Variants in EPHB6 observed in about 807,000 individuals in gnomAD.
EPHB6 encodes the protein ephrin type-B receptor 6.
EPHB6 carries 51 observed loss-of-function variants against 107.0 expected under a neutral mutation model. The observed-to-expected ratio is 0.48, with a 90% confidence interval of 0.38 to 0.60. EPHB6 has a LOEUF of 0.60. Ranked by LOEUF, EPHB6 falls within the 20% of genes least tolerant of loss-of-function variation. The pLI, the probability that EPHB6 is intolerant of heterozygous loss-of-function variation, is 0.00. For synonymous variants in EPHB6, 553 were observed against 549.0 expected, an observed-to-expected ratio of 1.01 and a Z score of -0.10; for missense variants, 1,141 against 1,355.5, an observed-to-expected ratio of 0.84 and a Z score of 2.48.
chr7:142,864,622 A>AG lies in EPHB6; in HGVS notation c.827dup (p.Gln277ProfsTer48), dbSNP rs2116426904. On this transcript the variant is annotated frameshift_variant, in exon 7 of 20. Transcript: ENST00000652003. LOFTEE classifies it high-confidence loss of function. ...ATGCAGAGCCAGAGGAGGATGGAGT[A>AG]GGGGGCCAGGCAGGAGGCAGCCCCC... 6.2e-7 allele frequency: 1 copy of AG among 1,612,406 alleles called. No individual in the cohort carries two copies. The highest frequency in any genetic ancestry group is 8.5e-7 in the Non-Finnish European group (1 of 1,179,540).
chr7:142,865,895 C>T (rs1226228626), intron 8 of EPHB6, 65 bp from the exon 9 acceptor site: 2 of 1,546,108 alleles, frequency 1.3e-6, no homozygotes, highest in Non-Finnish European at 1.8e-6. Context: ...TGGCTCCTTC[C>T]TTCCTCAATC....
chr7:142,865,189 A>C (rs1481371063), intron 7 of EPHB6, among the ~76,000 whole-genome samples: 2 of 152,200 alleles, frequency 1.3e-5, no homozygotes, highest in Non-Finnish European at 2.9e-5. Context: ...GCCTCCGCAG[A>C]GGGAGCTTAT....
rs763216563 is a variant in EPHB6 at position 142,866,052 on chromosome 7, G to C, written c.1198G>C (p.Gly400Arg). 6.2e-7 allele frequency: 1 copy of C among 1,612,220 alleles called. No individual in the cohort carries two copies. The highest frequency in any genetic ancestry group is 8.5e-7 in the Non-Finnish European group (1 of 1,179,126). ...CCTGCCTCGGGAGCTGGGGGGTCGA[G>C]GGGACCTGCTCTTCAATGTCGTGTG... ...WRLPRELGGR[G>R]DLLFNVVCKE... The change falls in exon 9 of 20, where the codon GGG (glycine) becomes CGG (arginine). Residue 400 changes from glycine (G) to arginine (R), a missense_variant. By Grantham distance (125) the Gly-to-Arg change is moderately radical. Transcript: ENST00000652003. This position sits in a 1 kb window ranked among gnomAD's most constrained non-coding sequence, Gnocchi z 5.2.
Position 142,864,562 on chromosome 7 carries a change from C to T in EPHB6, c.762C>T (p.Ala254=). The T allele has an allele frequency of 3.7e-6, 6 of 1,613,192 alleles. No homozygotes were observed. The highest frequency in any genetic ancestry group is 5.1e-6 in the Non-Finnish European group (6 of 1,179,906). Residue 254 remains alanine, a synonymous_variant, in exon 7 of 20, where the codon GCC becomes GCT. Transcript: ENST00000652003. The part of the protein sequence containing the change: ...PETQASGAGG[A]SLVAAVGTCV... ...CGCAGGCCAGTGGGGCTGGGGGGGC[C>T]TCCCTGGTGGCAGCTGTGGGCACCT...
At position 142,866,951 on chromosome 7, in the gene EPHB6, A is replaced by G. The variant is rs201861326; in HGVS notation, c.1633A>G (p.Thr545Ala). 6 of 1,614,072 alleles carry G rather than the reference A, an allele frequency of 3.7e-6. No individual in the cohort carries two copies. In the Admixed American group the frequency reaches 6.7e-5, roughly 18 times the overall value. Residue 545 changes from threonine to alanine, a missense_variant, in exon 11 of 20, where the codon ACT becomes GCT. Physicochemically the swap from Thr to Ala is moderately conservative, Grantham distance 58. Coordinates refer to ENST00000652003, the MANE Select transcript of EPHB6 (RefSeq NM_004445.6). The surrounding 1 kb of genome is among the most constrained non-coding windows in gnomAD (Gnocchi z 5.2). ...HSFTLTSETN[T>A]ATVTQLSPGH... ...CTTCACCCTGACCAGCGAGACCAACACTGCCACCGTGACACAGCTGAGCCC... is the reference window on the plus strand; with the variant it reads ...CTTCACCCTGACCAGCGAGACCAACGCTGCCACCGTGACACAGCTGAGCCC...
At position 142,865,997 on chromosome 7, in the gene EPHB6, G is replaced by A. The variant is rs753689778; in HGVS notation, c.1143G>A (p.Val381=). The part of the protein sequence containing the change: ...PSAPQELWFE[V]QGSALMLHWR... Reference sequence around the variant, plus strand: ...CTCCCCAGGAGCTTTGGTTTGAGGTGCAAGGCTCAGCACTCATGCTACACT... The same window carrying A: ...CTCCCCAGGAGCTTTGGTTTGAGGTACAAGGCTCAGCACTCATGCTACACT... The change falls in exon 9 of 20, where the codon GTG becomes GTA. Residue 381 remains valine (V), a synonymous_variant. Transcript: ENST00000652003. 6.2e-7 allele frequency: 1 copy of A among 1,613,980 alleles called. No individual in the cohort carries two copies. The highest frequency in any genetic ancestry group is 1.1e-5 in the South Asian group (1 of 91,066).
At chr7:142,860,092 T>C (rs1398813144) in intron 1 of EPHB6, among the ~76,000 whole-genome samples, 1 of 152,260 alleles carries the variant, frequency 6.6e-6, no homozygotes, top group Non-Finnish European at 1.5e-5. Flanking sequence ...CAGCGCATCT[T>C]TTCTATCTTG....
In EPHB6 at chr7:142,868,978, G is replaced by A. The variant is rs148701267; in HGVS notation, c.2291G>A (p.Arg764Gln). 7.4e-4 allele frequency: 1,197 copies of A among 1,608,620 alleles called. 5 individuals are homozygous for A. The highest frequency in any genetic ancestry group is 3.8e-3 in the Middle Eastern group (23 of 6,040). The change falls in exon 16 of 20, where the codon CGG (arginine) becomes CAG (glutamine). Residue 764 changes from arginine (R) to glutamine (Q), a missense_variant. By Grantham distance (43) the Arg-to-Gln change is conservative (BLOSUM62 1). Coordinates refer to ENST00000652003, the MANE Select transcript of EPHB6 (RefSeq NM_004445.6). This position sits in a 1 kb window ranked among gnomAD's most constrained non-coding sequence, Gnocchi z 4.2. ...LGPLDSFLRQ[R>Q]EGQFSSLQLV... ...CCCCCTGCCCCTTCCCCTCAGCAGC[G>A]GGAGGGCCAGTTCAGCAGCCTGCAG...
In EPHB6 at chr7:142,865,553, A is replaced by T. The variant is rs779109676; in HGVS notation, c.1028A>T (p.Asn343Ile). 6.2e-7 allele frequency: 1 copy of T among 1,613,422 alleles called. No individual in the cohort carries two copies. The highest frequency in any genetic ancestry group is 8.5e-7 in the Non-Finnish European group (1 of 1,179,938). The change falls in exon 8 of 20, where the codon AAC becomes ATC. Residue 343 changes from asparagine to isoleucine, a missense_variant. Transcript: ENST00000652003. ...TGCCCTGCCCGCAGTCACGCTCCCA[A>T]CCCAGCAGCCCCCGTTTGCCCCTGC... ...SPCPARSHAP[N>I]PAAPVCPCLE...
In EPHB6 at chr7:142,869,417, T is replaced by G. The variant is rs1283857788; in HGVS notation, c.2460+270T>G. 1.3e-5 allele frequency among the ~76,000 whole-genome samples: 2 copies of G among 152,130 alleles called. No individual in the cohort carries two copies. Among genetic ancestry groups the G allele is most frequent in the Non-Finnish European group, 2.9e-5 (2 of 68,020 alleles). On this transcript the variant is annotated intron_variant, in intron 16 of 19. Transcript: ENST00000652003. This position sits in a 1 kb window ranked among gnomAD's most constrained non-coding sequence, Gnocchi z 4.5. ...TCCTGCCCTTCCCCCATTGTGGAGA[T>G]TACACAGACTCCAGAGTCAGCACAG...
At chr7:142,857,634 C>T (rs571299299) in intron 1 of EPHB6, among the ~76,000 whole-genome samples, 1 of 152,264 alleles carries the variant, frequency 6.6e-6, no homozygotes, top group African/African-American at 2.4e-5. Flanking sequence ...TGGGACTGTT[C>T]TGTCCCTGCT....
In EPHB6 at chr7:142,866,391, A is replaced by C; in HGVS notation, c.1462+75A>C. On this transcript the variant is annotated intron_variant, in intron 9 of 19. Coordinates refer to ENST00000652003, the MANE Select transcript of EPHB6 (RefSeq NM_004445.6). This position sits in a 1 kb window ranked among gnomAD's most constrained non-coding sequence, Gnocchi z 5.2. The stretch of plus-strand genomic sequence containing the variant: ...GCCCCCTTCCCTACTCCTGATCTCC[A>C]GCCTGGTCCACCCCTGCCGCCCTCC... The C allele has an allele frequency of 1.2e-6, 2 of 1,611,602 alleles. No homozygotes were observed. Among genetic ancestry groups the C allele is most frequent in the Non-Finnish European group, 1.7e-6 (2 of 1,179,202 alleles).
At chr7:142,861,401 G>C (rs8177129) in intron 2 of EPHB6, among the ~76,000 whole-genome samples, 3,988 of 152,282 alleles carry the variant, frequency 0.026, 166 homozygotes, top group African/African-American at 0.09. Context: ...ACACATGCAA[G>C]AGTTTAAGAA....
In EPHB6 at chr7:142,868,968, C is replaced by T. The variant is rs1794759891; in HGVS notation, c.2287-6C>T. 1 of 1,607,246 alleles carries T rather than the reference C, an allele frequency of 6.2e-7. No individual in the cohort carries two copies. ...CTGACCTCTGCCCCCTGCCCCTTCCCCTCAGCAGCGGGAGGGCCAGTTCAG... is the reference window on the plus strand; with the variant it reads ...CTGACCTCTGCCCCCTGCCCCTTCCTCTCAGCAGCGGGAGGGCCAGTTCAG... On this transcript the variant is annotated splice_region_variant and splice_polypyrimidine_tract_variant and intron_variant, in intron 15 of 19. Transcript: ENST00000652003. This position sits in a 1 kb window ranked among gnomAD's most constrained non-coding sequence, Gnocchi z 4.2.
intron 18 of EPHB6, 50 bp from the exon 19 acceptor site, chr7:142,870,480 G>A (rs2116492253): frequency 6.2e-7 from 1 of 1,613,936 alleles, no homozygotes; most frequent in Non-Finnish European, 8.5e-7. Flanking sequence ...CTGAGGAGAG[G>A]GGCTAAGATG....
Position 142,864,044 on chromosome 7 carries a change from C to G in EPHB6, c.244C>G (p.Pro82Ala), listed in dbSNP as rs749562514. The G allele has an allele frequency of 8.7e-6, 14 of 1,614,012 alleles. No homozygotes were observed. The highest frequency in any genetic ancestry group is 1.2e-5 in the Non-Finnish European group (14 of 1,180,040). Reference sequence around the variant, plus strand: ...GGCATGTCATGTGGCAGGGGCCCCTCCAGGCACCGGGCAGGACAATTGGTT... The same window carrying G: ...GGCATGTCATGTGGCAGGGGCCCCTGCAGGCACCGGGCAGGACAATTGGTT... ...FEACHVAGAP[P>A]GTGQDNWLQT... The change falls in exon 7 of 20, where the codon CCA becomes GCA. Residue 82 changes from proline (P) to alanine (A), a missense_variant. This residue lies in a region of EPHB6 where 221 missense variants were observed against 300.5 expected (regional missense o/e 0.74). Transcript: ENST00000652003.
In EPHB6 at chr7:142,870,817, C is replaced by T; in HGVS notation, c.2982C>T (p.Ile994=). 1 of 1,614,136 alleles carries T rather than the reference C, an allele frequency of 6.2e-7. No individual in the cohort carries two copies. The highest frequency in any genetic ancestry group is 8.5e-7 in the Non-Finnish European group (1 of 1,179,992). Residue 994 remains isoleucine (I), a synonymous_variant, in exon 20 of 20, where the codon ATC becomes ATT. Transcript: ENST00000652003. ...LSLEDLPALG[I]TLAGHQKKLL... ...CCAGAGACCTGCCTGCCCTGGGCATCACCCTGGCTGGCCACCAGAAGAAGC... is the reference window on the plus strand; with the variant it reads ...CCAGAGACCTGCCTGCCCTGGGCATTACCCTGGCTGGCCACCAGAAGAAGC...
In EPHB6 at chr7:142,864,336, C is replaced by G. The variant is rs141491735; in HGVS notation, c.536C>G (p.Ala179Gly). Residue 179 changes from alanine to glycine, a missense_variant, in exon 7 of 20, where the codon GCG (alanine) becomes GGG (glycine). This residue lies in a region of EPHB6 where 221 missense variants were observed against 300.5 expected (regional missense o/e 0.74). Transcript: ENST00000652003. ...SSSSSSSSSA[A>G]WAVGPHGAGQ... ...TCCTCCTCCTCTTCTTCCTCTGCAGCGTGGGCTGTGGGACCCCACGGGGCT... is the reference window on the plus strand; with the variant it reads ...TCCTCCTCCTCTTCTTCCTCTGCAGGGTGGGCTGTGGGACCCCACGGGGCT... The G allele has an allele frequency of 6.2e-7, 1 of 1,613,374 alleles. No homozygotes were observed. The highest frequency in any genetic ancestry group is 8.5e-7 in the Non-Finnish European group (1 of 1,180,026).
chr7:142,866,379 C>T lies in EPHB6; in HGVS notation c.1462+63C>T. 1.9e-6 allele frequency: 3 copies of T among 1,611,656 alleles called. No homozygotes were observed. Among genetic ancestry groups the T allele is most frequent in the Non-Finnish European group, 2.5e-6 (3 of 1,179,050 alleles). On this transcript the variant is annotated intron_variant, in intron 9 of 19. Coordinates refer to ENST00000652003, the MANE Select transcript of EPHB6 (RefSeq NM_004445.6). This position sits in a 1 kb window ranked among gnomAD's most constrained non-coding sequence, Gnocchi z 5.2. The stretch of plus-strand genomic sequence containing the variant: ...CCGCTCCTTTGAGCCCCCTTCCCTA[C>T]TCCTGATCTCCAGCCTGGTCCACCC...
Sources: allele counts gnomAD v4.1 joint callset (sites outside exome capture counted in the v4.1 genomes callset), GRCh38; gene constraint gnomAD v4.1.1; regional missense constraint gnomAD v4.1.1; non-coding constraint Gnocchi (gnomAD v3.1); transcripts MANE v1.5; gene names NCBI Gene and HGNC (gene_info 2026-07-23, HGNC 2026-07-21).